Variants in ST3GAL3 observed in about 807,000 individuals in gnomAD.
ST3GAL3 encodes the protein CMP-N-acetylneuraminate-beta-1,4-galactoside alpha-2,3-sialyltransferase.
A neutral mutation model predicts 50.1 loss-of-function variants in ST3GAL3; 21 were observed. The observed-to-expected ratio is 0.42, with a 90% CI of 0.30 to 0.60. ST3GAL3 has a LOEUF of 0.60. Ranked by LOEUF, ST3GAL3 falls within the 20% of genes least tolerant of loss-of-function variation. The pLI, the probability that ST3GAL3 is intolerant of heterozygous loss-of-function variation, is 0.19. For missense variants in ST3GAL3, 353 were observed against 489.4 expected, an observed-to-expected ratio of 0.72 and a Z score of 2.63; for synonymous variants, 183 against 190.0, an observed-to-expected ratio of 0.96 and a Z score of 0.30.
At chr1:43,807,082 A>C (rs185705059) in intron 3 of ST3GAL3, among the ~76,000 whole-genome samples, 5 of 152,332 alleles carry the variant, frequency 3.3e-5, no homozygotes, top group African/African-American at 1.2e-4. Context: ...TCAGCCTCGC[A>C]GGAACATTGA....
At chr1:43,775,824 T>C (rs1430249462) in intron 2 of ST3GAL3, among the ~76,000 whole-genome samples, 1 of 152,024 alleles carries the variant, frequency 6.6e-6, no homozygotes, top group African/African-American at 2.4e-5. Context: ...TTCTCCTCAA[T>C]ATAATATTAA....
chr1:43,759,146 CAAT>C (rs1230446604), intron 2 of ST3GAL3, among the ~76,000 whole-genome samples: 1 of 149,442 alleles, frequency 6.7e-6, no homozygotes, highest in East Asian at 2.0e-4. Flanking sequence ...GCATGAAACT[CAAT>C]AAAAGAAAAA....
At chr1:43,922,697 G>A (rs2083248546) in intron 11 of ST3GAL3, 1 of 151,648 alleles carries the variant, frequency 6.6e-6, no homozygotes, top group Non-Finnish European at 1.5e-5. Flanking sequence ...CTACTCGGGA[G>A]ACTGAGACAG....
intron 9 of ST3GAL3, among the ~76,000 whole-genome samples, chr1:43,916,079 A>G (rs993007057): frequency 6.6e-6 from 1 of 152,222 alleles, no homozygotes; most frequent in African/African-American, 2.4e-5. Context: ...AGATCATGCC[A>G]CTGGACTCCA....
Position 43,803,265 on chromosome 1 carries a change from G to A in ST3GAL3, c.166+11116G>A, listed in dbSNP as rs547552989. Among the ~76,000 whole-genome samples the A allele has an allele frequency of 1.2e-4, 18 of 152,008 alleles. 1 individual carries two copies. The South Asian group carries it at 3.3e-3, about 28-fold the overall frequency. The stretch of plus-strand genomic sequence containing the variant: ...ATGCTCCCTACATGTCTTGTAGGCC[G>A]GGCACAGTGGTACGCACCTAGAGTC... On this transcript the variant is annotated intron_variant, in intron 3 of 11. Coordinates refer to ENST00000347631, the MANE Select transcript of ST3GAL3 (RefSeq NM_006279.5).
At chr1:43,857,568 T>TTCCTTCCTTCCTTCCTTCC (rs1558604954) in intron 5 of ST3GAL3, among the ~76,000 whole-genome samples, 1 of 34,434 alleles carries the variant, frequency 2.9e-5, no homozygotes, top group Non-Finnish European at 8.5e-5. Context: ...TCCTTCCTTC[T>TTCCTTCCTTCCTTCCTTCC]TTCTTTCCTT....
chr1:43,783,636 A>G lies in ST3GAL3; in HGVS notation c.119-8466A>G, dbSNP rs563961657. Among the ~76,000 whole-genome samples, 7 of 151,970 alleles carry G rather than the reference A, an allele frequency of 4.6e-5. No homozygotes were observed. The East Asian group carries it at 1.4e-3, about 29-fold the overall frequency. On this transcript the variant is annotated intron_variant, in intron 2 of 11. Coordinates refer to ENST00000347631, the MANE Select transcript of ST3GAL3 (RefSeq NM_006279.5). ...CCCTGAGCTCCAAACCTTATATACC[A>G]TCTTACTCTCAGTTTCAGCAGCACA...
chr1:43,774,721 A>G (rs375536309), intron 2 of ST3GAL3, among the ~76,000 whole-genome samples: 9 of 152,338 alleles, frequency 5.9e-5, no homozygotes, highest in East Asian at 1.9e-4. Flanking sequence ...TTTGTTTCCT[A>G]AAGATGACCT....
intron 5 of ST3GAL3, among the ~76,000 whole-genome samples, chr1:43,866,769 A>G (rs2071418854): frequency 6.6e-6 from 1 of 152,126 alleles, no homozygotes; most frequent in Admixed American, 6.6e-5. Flanking sequence ...GGCTAGAAGT[A>G]ATCTAGAGCA....
intron 6 of ST3GAL3, among the ~76,000 whole-genome samples, chr1:43,896,571 G>A (rs1369751709): frequency 6.6e-6 from 1 of 152,086 alleles, no homozygotes; most frequent in East Asian, 1.9e-4. Flanking sequence ...TTGAGACAGG[G>A]TCTTGCTTTG....
intron 2 of ST3GAL3, among the ~76,000 whole-genome samples, chr1:43,764,302 A>C (rs982184027): frequency 6.6e-6 from 1 of 152,158 alleles, no homozygotes; most frequent in African/African-American, 2.4e-5. Flanking sequence ...AGTATAGTAC[A>C]TTCTGAATTT....
intron 9 of ST3GAL3, among the ~76,000 whole-genome samples, chr1:43,909,638 C>A (rs992557201): frequency 6.6e-6 from 1 of 152,128 alleles, no homozygotes; most frequent in Non-Finnish European, 1.5e-5. Flanking sequence ...GAAATCAAAT[C>A]CCTGGAGGGA....
rs1698896961 is a variant in ST3GAL3, at chr1:43,780,144, C to T, written c.119-11958C>T. Among the ~76,000 whole-genome samples, 7 of 152,198 alleles carry T rather than the reference C, an allele frequency of 4.6e-5. No individual in the cohort carries two copies. The South Asian group carries it at 1.5e-3, about 32-fold the overall frequency. Reference sequence around the variant, plus strand: ...TACATGAGAGGTAATTTTTTGAGAACATACCTGAAAATGTCTTTATTCTGA... The same window carrying T: ...TACATGAGAGGTAATTTTTTGAGAATATACCTGAAAATGTCTTTATTCTGA... On this transcript the variant is annotated intron_variant, in intron 2 of 11. Coordinates refer to ENST00000347631, the MANE Select transcript of ST3GAL3 (RefSeq NM_006279.5).
chr1:43,729,143 G>A (rs924866541), intron 1 of ST3GAL3, among the ~76,000 whole-genome samples: 2 of 146,394 alleles, frequency 1.4e-5, no homozygotes, highest in African/African-American at 5.1e-5. Context: ...AGGCTGGAGT[G>A]CAGTGCCATG....
intron 2 of ST3GAL3, among the ~76,000 whole-genome samples, chr1:43,774,051 G>A (rs1451827063): frequency 6.6e-6 from 1 of 151,794 alleles, no homozygotes; most frequent in Non-Finnish European, 1.5e-5. Context: ...TGGAGAGGGT[G>A]AGCTGTTTCT....
At chr1:43,926,521 A>AGAGGTTGCAGTGAGCC (rs373305127) in intron 11 of ST3GAL3, among the ~76,000 whole-genome samples, 6,487 of 151,938 alleles carry the variant, frequency 0.043, 209 homozygotes, top group Middle Eastern at 0.13. Context: ...CTCGGGAGGC[A>AGAGGTTGCAGTGAGCC]GAGGTTGCAG....
intron 11 of ST3GAL3, among the ~76,000 whole-genome samples, chr1:43,925,709 A>G (rs2154298209): frequency 2.0e-5 from 3 of 152,284 alleles, no homozygotes; most frequent in Admixed American, 2.0e-4. Context: ...TGGGATGTGG[A>G]GACACATGGA....
At chr1:43,889,231 C>T (rs2076380686) in intron 5 of ST3GAL3, among the ~76,000 whole-genome samples, 1 of 151,782 alleles carries the variant, frequency 6.6e-6, no homozygotes, top group Admixed American at 6.6e-5. Context: ...CACACACACA[C>T]ACGTTTCATT....
chr1:43,876,528 A>G (rs1398919659), intron 5 of ST3GAL3, among the ~76,000 whole-genome samples: 1 of 152,220 alleles, frequency 6.6e-6, no homozygotes, highest in Non-Finnish European at 1.5e-5. Flanking sequence ...GTGGCAGGAA[A>G]GGCTAGAGAT....
Sources: gnomAD v4.1 joint callset for allele counts (sites outside exome capture counted in the v4.1 genomes callset) on GRCh38, gnomAD v4.1.1 for gene constraint, MANE v1.5 for transcripts, NCBI Gene and HGNC (gene_info 2026-07-23, HGNC 2026-07-21) for gene names.